The following CA10 variants were observed in gnomAD, a reference collection of about 807,000 sequenced individuals.
CA10 encodes the protein carbonic anhydrase 10 (inactive).
In CA10, 14 loss-of-function variants were observed where a neutral mutation model predicts 44.2. The observed-to-expected ratio is 0.32, with a 90% CI of 0.21 to 0.50. The LOEUF (loss-of-function observed/expected upper bound fraction) is 0.50, where lower values mean the gene tolerates loss of function less well. Among genes scored for constraint, CA10 ranks in the 20% least tolerant of loss-of-function variants. The pLI is 0.99. For synonymous variants in CA10, 159 were observed against 141.6 expected, an observed-to-expected ratio of 1.12 and a Z score of -0.87; for missense variants, 350 against 409.7, an observed-to-expected ratio of 0.85 and a Z score of 1.26.
chr17:52,046,608 T>C (rs1986919764), intron 2 of CA10, among the ~76,000 whole-genome samples: 2 of 151,972 alleles, frequency 1.3e-5, no homozygotes, highest in Admixed American at 6.6e-5. Flanking sequence ...GATGGTTTCA[T>C]TGATGCCTTT....
chr17:52,119,305 AC>A (rs1988963108), intron 1 of CA10, among the ~76,000 whole-genome samples: 1 of 152,144 alleles, frequency 6.6e-6, no homozygotes, highest in South Asian at 2.1e-4. Context: ...TTCTTTTGCA[AC>A]AGAATGCAAG....
intron 4 of CA10, among the ~76,000 whole-genome samples, chr17:51,667,856 C>A (rs187490321): frequency 6.6e-6 from 1 of 152,188 alleles, no homozygotes; most frequent in African/African-American, 2.4e-5. Flanking sequence ...ACAGAGACAG[C>A]ATTTTGCTGA....
intron 3 of CA10, among the ~76,000 whole-genome samples, chr17:51,915,806 T>C (rs1981971798): frequency 6.6e-6 from 1 of 151,898 alleles, no homozygotes. Context: ...TATGGCTCAC[T>C]CCAGTATCTG....
At chr17:52,146,197 A>G (rs967799373) in intron 1 of CA10, among the ~76,000 whole-genome samples, 13 of 152,352 alleles carry the variant, frequency 8.5e-5, no homozygotes, top group African/African-American at 3.1e-4. Flanking sequence ...GCACATGTAT[A>G]CATATGTAAC....
chr17:51,631,493 G>A lies in CA10; in HGVS notation c.*91C>T. 8.5e-7 allele frequency: 1 copy of A among 1,180,406 alleles called. No individual in the cohort carries two copies. Among genetic ancestry groups the A allele is most frequent in the Non-Finnish European group, 1.3e-6 (1 of 789,086 alleles). The allele number at this position is 1,180,406 out of a possible 1,614,324, so 73.1% of individuals were successfully genotyped here. A position where few individuals can be genotyped will look rare whatever the true frequency, so the allele number is the denominator to read the frequency against. ...AATGAATGAGGCTTGGGGGAAAGAA[G>A]GAGAGAGAAGCAAGAAGGGGGACAT... On this transcript the variant is annotated 3_prime_UTR_variant, in exon 9 of 9. Coordinates refer to ENST00000451037, the MANE Select transcript of CA10 (RefSeq NM_020178.5).
chr17:52,024,295 A>G (rs1986232991), intron 2 of CA10, among the ~76,000 whole-genome samples: 1 of 152,164 alleles, frequency 6.6e-6, no homozygotes, highest in Admixed American at 6.6e-5. Context: ...AACACATAAT[A>G]TACTTATTTT....
intron 2 of CA10, among the ~76,000 whole-genome samples, chr17:51,979,348 T>C (rs2144084255): frequency 6.6e-6 from 1 of 152,284 alleles, no homozygotes; most frequent in South Asian, 2.1e-4. Context: ...AACTTTTATT[T>C]TATATTTAGG....
chr17:51,883,882 T>C (rs933239947), intron 3 of CA10, among the ~76,000 whole-genome samples: 1 of 152,166 alleles, frequency 6.6e-6, no homozygotes, highest in African/African-American at 2.4e-5. Context: ...GGGTCTCCAC[T>C]TGGATGTTTG....
At chr17:51,809,520 A>G (rs1907273615) in intron 3 of CA10, among the ~76,000 whole-genome samples, 1 of 152,308 alleles carries the variant, frequency 6.6e-6, no homozygotes, top group African/African-American at 2.4e-5. Context: ...TTAAATTAAG[A>G]TCTCTTGGGC....
intron 4 of CA10, among the ~76,000 whole-genome samples, chr17:51,741,176 GGGC>G (rs1904448392): frequency 2.6e-5 from 4 of 152,172 alleles, no homozygotes; most frequent in Non-Finnish European, 5.9e-5. Flanking sequence ...AGCCACCTAT[GGGC>G]ATGACTGGGT....
At chr17:51,871,563 T>C (rs1263535370) in intron 3 of CA10, among the ~76,000 whole-genome samples, 2 of 151,516 alleles carry the variant, frequency 1.3e-5, no homozygotes, top group Admixed American at 1.3e-4. Context: ...TTTTGTATTT[T>C]TAGTTGAGAT....
chr17:52,080,016 G>A (rs1987925537), intron 1 of CA10, among the ~76,000 whole-genome samples: 1 of 152,206 alleles, frequency 6.6e-6, no homozygotes, highest in South Asian at 2.1e-4. Flanking sequence ...GAGAAGATGG[G>A]TATGACCTAG....
intron 1 of CA10, among the ~76,000 whole-genome samples, chr17:52,130,703 T>C (rs997928894): frequency 3.9e-5 from 6 of 152,134 alleles, no homozygotes; most frequent in Admixed American, 3.9e-4. Context: ...TTCTTCTTTC[T>C]TTCTTTTTTT....
chr17:52,112,798 T>C (rs950556392), intron 1 of CA10, among the ~76,000 whole-genome samples: 1 of 152,220 alleles, frequency 6.6e-6, no homozygotes, highest in East Asian at 1.9e-4. Context: ...TTGGCTCTCA[T>C]GCCAAAAGAA....
chr17:52,000,603 T>G (rs1985388983), intron 2 of CA10, among the ~76,000 whole-genome samples: 1 of 152,014 alleles, frequency 6.6e-6, no homozygotes, highest in Non-Finnish European at 1.5e-5. Context: ...GCACAGAGTA[T>G]AAAAATGGCT....
rs796161677 is a variant in CA10 at position 51,858,379 on chromosome 17, A to G, written c.279+72611T>C. ...GACAACGAGGAAAATGTGCCCGTGCAGAGACAAGGAGTCCCCACAGTCTAC... is the reference window on the plus strand; with the variant it reads ...GACAACGAGGAAAATGTGCCCGTGCGGAGACAAGGAGTCCCCACAGTCTAC... On this transcript the variant is annotated intron_variant, in intron 3 of 8. Transcript: ENST00000451037. 7.2e-5 allele frequency among the ~76,000 whole-genome samples: 11 copies of G among 152,276 alleles called. 2 individuals are homozygous for G. The highest frequency in any genetic ancestry group is 2.6e-4 in the African/African-American group (11 of 41,570).
At chr17:52,132,100 T>C (rs962948882) in intron 1 of CA10, among the ~76,000 whole-genome samples, 3 of 151,942 alleles carry the variant, frequency 2.0e-5, no homozygotes, top group Non-Finnish European at 4.4e-5. Flanking sequence ...GCATAGCACA[T>C]GTATACATAG....
intron 2 of CA10, among the ~76,000 whole-genome samples, chr17:52,048,601 G>T (rs551526574): frequency 6.6e-6 from 1 of 152,150 alleles, no homozygotes; most frequent in Non-Finnish European, 1.5e-5. Flanking sequence ...AAGCTGGCTT[G>T]TGTGGAATGA....
chr17:52,157,872 C>A lies in CA10; in HGVS notation c.-86G>T. On this transcript the variant is annotated 5_prime_UTR_variant, in exon 1 of 9. Transcript: ENST00000451037. ...GACACGGCACACACACATACACACTCGCACACACTTCCGAGCGAGTGCACA... is the reference window on the plus strand; with the variant it reads ...GACACGGCACACACACATACACACTAGCACACACTTCCGAGCGAGTGCACA... 3 of 1,037,102 alleles carry A rather than the reference C, an allele frequency of 2.9e-6. No homozygotes were observed. Among genetic ancestry groups the A allele is most frequent in the Non-Finnish European group, 3.1e-6 (2 of 655,038 alleles). The allele number at this position is 1,037,102 out of a possible 1,614,324, so 64.2% of individuals were successfully genotyped here. A position where few individuals can be genotyped will look rare whatever the true frequency, so the allele number is the denominator to read the frequency against.
Sources: gnomAD v4.1 joint callset for allele counts (sites outside exome capture counted in the v4.1 genomes callset) on GRCh38, gnomAD v4.1.1 for gene constraint, MANE v1.5 for transcripts, NCBI Gene and HGNC (gene_info 2026-07-23, HGNC 2026-07-21) for gene names.